The following NEK1 variants were observed in gnomAD, a reference collection of about 807,000 sequenced individuals.
NEK1 encodes the protein serine/threonine-protein kinase Nek1.
A neutral mutation model predicts 182.1 loss-of-function variants in NEK1; 137 were observed. The observed-to-expected ratio is 0.75, with a 90% CI of 0.65 to 0.87. The LOEUF is 0.87. NEK1 is among the 40% of genes least tolerant of loss of function. NEK1 has a pLI of 0.00. For missense variants in NEK1, 1,391 were observed against 1,494.4 expected (o/e 0.93, Z 1.14); for synonymous variants, 513 against 492.2 (o/e 1.04, Z -0.56).
chr4:169,485,201 G>A (rs576797045), intron 23 of NEK1, among the ~76,000 whole-genome samples: 28 of 152,266 alleles, frequency 1.8e-4, no homozygotes, highest in African/African-American at 6.7e-4. Flanking sequence ...TCTCCTCTGA[G>A]TCAACTAAAC....
chr4:169,427,817 T>TTA (rs1326099453), intron 29 of NEK1, among the ~76,000 whole-genome samples: 3 of 151,520 alleles, frequency 2.0e-5, no homozygotes, highest in Admixed American at 1.3e-4. Context: ...TTTTTTAAGC[T>TTA]TATATATATA....
intron 28 of NEK1, among the ~76,000 whole-genome samples, chr4:169,434,202 GTTTTT>G (rs70964203): frequency 1.7e-3 from 136 of 81,896 alleles, no homozygotes; most frequent in Admixed American, 3.2e-3. Context: ...CACTCAAATA[GTTTTT>G]TTTTTTTTTT....
chr4:169,544,507 T>C (rs550244286), intron 18 of NEK1, among the ~76,000 whole-genome samples: 50 of 152,228 alleles, frequency 3.3e-4, no homozygotes, highest in Non-Finnish European at 6.0e-4. Flanking sequence ...GGATTCCCTC[T>C]TTTTCTATTG....
At chr4:169,556,738 TAAA>T (rs59615019) in intron 16 of NEK1, among the ~76,000 whole-genome samples, 4 of 116,088 alleles carry the variant, frequency 3.4e-5, no homozygotes, top group Admixed American at 8.9e-5. Flanking sequence ...CACAAAACAG[TAAA>T]AAAAAAAAAA....
intron 19 of NEK1, among the ~76,000 whole-genome samples, chr4:169,521,816 T>G (rs1042850357): frequency 6.6e-6 from 1 of 152,214 alleles, no homozygotes; most frequent in African/African-American, 2.4e-5. Context: ...TTGGTGTACT[T>G]TCATATGGAA....
chr4:169,594,632 C>T (rs1769123163), intron 5 of NEK1, among the ~76,000 whole-genome samples: 1 of 152,018 alleles, frequency 6.6e-6, no homozygotes, highest in South Asian at 2.1e-4. Context: ...AATATTTTGT[C>T]ACTTTGATTA....
chr4:169,596,275 T>C (rs923883347), intron 5 of NEK1, among the ~76,000 whole-genome samples: 1 of 152,220 alleles, frequency 6.6e-6, no homozygotes. Flanking sequence ...GATAATATAA[T>C]GCTCTAGGTT....
rs1282485000 is a variant in NEK1, at chr4:169,587,595, C to T, written c.570G>A (p.Gly190=). The change falls in exon 9 of 36, where the codon GGG becomes GGA. Residue 190 remains glycine (G), a synonymous_variant. Transcript: ENST00000507142. ...GTGTACACAGCTCATAAAGGACACA[C>T]CCCAGAGCCCAAATGTCACTGGAGA... ...YNNKSDIWAL[G]CVLYELCTLK... The T allele has an allele frequency of 1.9e-6, 3 of 1,548,920 alleles. No individual in the cohort carries two copies. Among genetic ancestry groups the T allele is most frequent in the Non-Finnish European group, 1.8e-6 (2 of 1,142,796 alleles).
Position 169,585,472 on chromosome 4 carries a change from G to T in NEK1, c.684C>A (p.Ser228=), listed in dbSNP as rs776542261. Residue 228 remains serine, a synonymous_variant, in exon 10 of 36, where the codon TCC becomes TCA. Coordinates refer to ENST00000507142, the MANE Select transcript of NEK1 (RefSeq NM_001199397.3). ...GSFPPVSLHY[S]YDLRSLVSQL... ...GAGACACCAAACTGCGGAGATCATA[G>T]GAATAATGCAAAGACACAGGTGGAA... 11 of 1,613,516 alleles carry T rather than the reference G, an allele frequency of 6.8e-6. No homozygotes were observed. Among genetic ancestry groups the T allele is most frequent in the Non-Finnish European group, 9.3e-6 (11 of 1,179,636 alleles).
At chr4:169,478,148 C>A (rs564852573) in intron 24 of NEK1, among the ~76,000 whole-genome samples, 39 of 151,906 alleles carry the variant, frequency 2.6e-4, no homozygotes, top group African/African-American at 8.9e-4. Context: ...TTAGCAGTTA[C>A]GAAAGCTATG....
intron 9 of NEK1, among the ~76,000 whole-genome samples, chr4:169,586,444 C>A (rs1033113983): frequency 6.6e-6 from 1 of 151,944 alleles, no homozygotes; most frequent in Non-Finnish European, 1.5e-5. Flanking sequence ...AATGCACTTT[C>A]GTTTATCTCT....
At chr4:169,511,780 C>T (rs1754232051) in intron 19 of NEK1, among the ~76,000 whole-genome samples, 1 of 152,098 alleles carries the variant, frequency 6.6e-6, no homozygotes, top group Admixed American at 6.6e-5. Flanking sequence ...ACATTCACTA[C>T]CTCCATCCCT....
chr4:169,435,093 T>C (rs1450211384), intron 28 of NEK1, among the ~76,000 whole-genome samples: 2 of 152,212 alleles, frequency 1.3e-5, no homozygotes, highest in Non-Finnish European at 2.9e-5. Flanking sequence ...CAGAGTATCA[T>C]AGACTGGGTG....
At chr4:169,588,274 C>A (rs949212788) in intron 8 of NEK1, among the ~76,000 whole-genome samples, 1 of 152,074 alleles carries the variant, frequency 6.6e-6, no homozygotes, top group Non-Finnish European at 1.5e-5. Context: ...ATGATTAATA[C>A]CTACATCTCC....
intron 19 of NEK1, among the ~76,000 whole-genome samples, chr4:169,526,938 A>G (rs898250430): frequency 6.6e-6 from 1 of 152,196 alleles, no homozygotes; most frequent in Admixed American, 6.5e-5. Context: ...GTTTGGTGTA[A>G]TCCATAACCT....
At chr4:169,401,560 G>C (rs1731689667) in intron 33 of NEK1, 92 bp downstream of exon 33, 1 of 1,053,874 alleles carries the variant, frequency 9.5e-7, no homozygotes, top group Admixed American at 2.3e-5. Flanking sequence ...TTTAAAGTTG[G>C]AAATGGTTCA....
intron 19 of NEK1, among the ~76,000 whole-genome samples, chr4:169,518,877 G>A (rs1407213023): frequency 2.0e-5 from 2 of 98,736 alleles, no homozygotes; most frequent in East Asian, 6.2e-4. Flanking sequence ...GAGAGAGTTT[G>A]TTATAATTTC....
intron 35 of NEK1, among the ~76,000 whole-genome samples, chr4:169,397,284 G>C (rs573811237): frequency 1.3e-4 from 19 of 151,894 alleles, no homozygotes; most frequent in Admixed American, 7.2e-4. Flanking sequence ...GCTATATATG[G>C]GCTCTACTGA....
At chr4:169,498,661 T>C (rs1309888242) in intron 23 of NEK1, among the ~76,000 whole-genome samples, 2 of 152,178 alleles carry the variant, frequency 1.3e-5, no homozygotes, top group Non-Finnish European at 2.9e-5. Context: ...CCTTCACTTA[T>C]GAAGCTTAGT....
Sources: gnomAD v4.1 joint callset for allele counts (sites outside exome capture counted in the v4.1 genomes callset) on GRCh38, gnomAD v4.1.1 for gene constraint, MANE v1.5 for transcripts, NCBI Gene and HGNC (gene_info 2026-07-23, HGNC 2026-07-21) for gene names.